GDPD4: variants seen among roughly 807,000 people sequenced by gnomAD.
GDPD4 encodes glycerophosphodiester phosphodiesterase 6.
Under a neutral mutation model 67.8 loss-of-function variants are expected in GDPD4, and 60 were observed. The ratio of observed to expected loss-of-function variants is 0.88; its 90% CI spans 0.72 to 1.10. The LOEUF (loss-of-function observed/expected upper bound fraction) is 1.10. Ranked by LOEUF, GDPD4 falls within the 50% of genes least tolerant of loss-of-function variation. GDPD4 has a pLI of 0.00. For synonymous variants in GDPD4, 212 were observed against 210.9 expected (o/e 1.00, Z -0.04); for missense variants, 623 against 613.9 (o/e 1.01, Z -0.16).
At position 77,221,636 on chromosome 11, in the gene GDPD4, A is replaced by G. The variant is rs565542439; in HGVS notation, c.1526-4322T>C. On this transcript the variant is annotated intron_variant, in intron 16 of 16. Coordinates refer to ENST00000315938, the MANE Select transcript of GDPD4 (RefSeq NM_182833.3). ...TTCTGTTCTTTTACATTTGCTGAGG[A>G]GTGCTTTACTTCCAACTATGTGGTC... 2.0e-5 allele frequency among the ~76,000 whole-genome samples: 3 copies of G among 152,264 alleles called. No individual in the cohort carries two copies. In the East Asian group the frequency reaches 5.8e-4, roughly 29 times the overall value.
intron 13 of GDPD4, among the ~76,000 whole-genome samples, chr11:77,236,447 T>G (rs969440717): frequency 1.3e-5 from 2 of 151,998 alleles, no homozygotes; most frequent in African/African-American, 4.8e-5. Context: ...AAGTCCGAGA[T>G]TATCCTACTA....
chr11:77,291,216 C>G (rs1937760919), intron 1 of GDPD4, among the ~76,000 whole-genome samples: 1 of 152,122 alleles, frequency 6.6e-6, no homozygotes, highest in African/African-American at 2.4e-5. Context: ...CTGTCATTTG[C>G]AGCAGTATGG....
rs185616064 is a variant in GDPD4 at position 77,251,500 on chromosome 11, G to A, written c.865-5998C>T. ...TTACTGAGTCAAATATTCTTGGCTG[G>A]CAATATTTCTTCTTTCAGTACTTTG... On this transcript the variant is annotated intron_variant, in intron 11 of 16. Transcript: ENST00000315938. 1.3e-3 allele frequency among the ~76,000 whole-genome samples: 191 copies of A among 152,208 alleles called. 2 individuals are homozygous for A. Among genetic ancestry groups the A allele is most frequent in the Middle Eastern group, 6.8e-3 (2 of 294 alleles).
rs67911054 is a variant in GDPD4 at position 77,262,854 on chromosome 11, C to CAAAAAAA, written c.708-4319_708-4313dup. On this transcript the variant is annotated intron_variant, in intron 10 of 16. Transcript: ENST00000315938. ...TCTATCACTAAATCTTTCTCTGCTG[C>CAAAAAAA]AAAAAAAAAAAAAAAAAAAAAAAGG... Among the ~76,000 whole-genome samples the CAAAAAAA allele has an allele frequency of 6.1e-4, 41 of 66,976 alleles. 3 individuals are homozygous for CAAAAAAA. Among genetic ancestry groups the CAAAAAAA allele is most frequent in the African/African-American group, 1.8e-3 (27 of 14,886 alleles). 43.9% of individuals were successfully genotyped at this position (66,976 alleles called of 152,430 possible).
At chr11:77,284,292 T>C (rs1289797982) in intron 3 of GDPD4, among the ~76,000 whole-genome samples, 1 of 152,050 alleles carries the variant, frequency 6.6e-6, no homozygotes, top group Non-Finnish European at 1.5e-5. Context: ...TTATTTTAAG[T>C]GAAAAGAGAA....
At chr11:77,235,019 T>TTTTTTTG (rs1565512504) in intron 13 of GDPD4, among the ~76,000 whole-genome samples, 5 of 129,968 alleles carry the variant, frequency 3.8e-5, no homozygotes, top group African/African-American at 1.4e-4. Flanking sequence ...GTTTTTTTTT[T>TTTTTTTG]TTTTTTTTTT....
intron 1 of GDPD4, among the ~76,000 whole-genome samples, chr11:77,289,042 C>T (rs1377032505): frequency 7.5e-6 from 1 of 133,714 alleles, no homozygotes; most frequent in Non-Finnish European, 1.6e-5. Context: ...GGGAGGGAAG[C>T]GGGAGAGAGA....
intron 13 of GDPD4, among the ~76,000 whole-genome samples, chr11:77,238,489 C>T (rs1187162200): frequency 2.7e-5 from 4 of 150,650 alleles, no homozygotes; most frequent in Non-Finnish European, 5.9e-5. Context: ...GAGGCTGAGG[C>T]AGGAGAATCA....
chr11:77,223,607 G>C (rs560955422), intron 16 of GDPD4, among the ~76,000 whole-genome samples: 3 of 152,066 alleles, frequency 2.0e-5, no homozygotes, highest in Admixed American at 6.6e-5. Context: ...CCTGTCAGTC[G>C]GCCTCTACTG....
chr11:77,230,246 A>C (rs905089037), intron 14 of GDPD4, among the ~76,000 whole-genome samples: 1 of 152,226 alleles, frequency 6.6e-6, no homozygotes, highest in Non-Finnish European at 1.5e-5. Context: ...CCAGATAAGC[A>C]GAATGTTCAC....
At chr11:77,239,045 C>A (rs2135837956) in intron 13 of GDPD4, among the ~76,000 whole-genome samples, 1 of 152,270 alleles carries the variant, frequency 6.6e-6, no homozygotes, top group South Asian at 2.1e-4. Context: ...TCATCATATG[C>A]AAATCAATAA....
At chr11:77,255,791 C>A (rs1276563659) in intron 11 of GDPD4, among the ~76,000 whole-genome samples, 3 of 151,550 alleles carry the variant, frequency 2.0e-5, no homozygotes, top group African/African-American at 7.3e-5. Flanking sequence ...AATTGGAACC[C>A]GGGAGGCAGA....
intron 13 of GDPD4, among the ~76,000 whole-genome samples, chr11:77,238,584 CAAAA>C (rs199508047): frequency 5.1e-5 from 6 of 117,982 alleles, no homozygotes; most frequent in Non-Finnish European, 8.9e-5. Context: ...AACTCCGTCT[CAAAA>C]AAAAAAAAAA....
chr11:77,257,239 A>G (rs1231511533), intron 11 of GDPD4, among the ~76,000 whole-genome samples: 1 of 152,180 alleles, frequency 6.6e-6, no homozygotes, highest in East Asian at 1.9e-4. Flanking sequence ...CAAAGTCTCA[A>G]ATGAGTATAG....
At position 77,227,846 on chromosome 11, in the gene GDPD4, C is replaced by T; in HGVS notation, c.1525+18G>A. 3 of 1,593,800 alleles carry T rather than the reference C, an allele frequency of 1.9e-6. No homozygotes were observed. Among genetic ancestry groups the T allele is most frequent in the Non-Finnish European group, 2.6e-6 (3 of 1,163,822 alleles). On this transcript the variant is annotated intron_variant, in intron 16 of 16. Coordinates refer to ENST00000315938, the MANE Select transcript of GDPD4 (RefSeq NM_182833.3). ...GTAGGGATGAAGAGACAGGAGTGGG[C>T]TAGGCCTCTGACTTTACCTGTGCGA...
At chr11:77,281,177 A>G (rs1398580712) in intron 3 of GDPD4, among the ~76,000 whole-genome samples, 1 of 152,166 alleles carries the variant, frequency 6.6e-6, no homozygotes, top group Non-Finnish European at 1.5e-5. Context: ...TGTAAAATCC[A>G]TATTTTCTGT....
intron 1 of GDPD4, among the ~76,000 whole-genome samples, chr11:77,298,494 C>CA (rs1159706190): frequency 6.6e-6 from 1 of 151,540 alleles, no homozygotes; most frequent in African/African-American, 2.4e-5. Flanking sequence ...CCTGGGGTCT[C>CA]AAAAAAAAAT....
intron 1 of GDPD4, among the ~76,000 whole-genome samples, chr11:77,295,347 G>C (rs1421012570): frequency 6.6e-5 from 10 of 151,670 alleles, no homozygotes; most frequent in Admixed American, 6.6e-4. Flanking sequence ...TAAATCTAAA[G>C]CTGGCCAGGT....
chr11:77,225,577 A>ATC (rs1958314630), intron 16 of GDPD4, among the ~76,000 whole-genome samples: 1 of 152,206 alleles, frequency 6.6e-6, no homozygotes, highest in African/African-American at 2.4e-5. Flanking sequence ...AAAAGGAATA[A>ATC]TCTTAAAATG....
Sources: allele counts gnomAD v4.1 joint callset (sites outside exome capture counted in the v4.1 genomes callset), GRCh38; gene constraint gnomAD v4.1.1; transcripts MANE v1.5; gene names NCBI Gene and HGNC (gene_info 2026-07-23, HGNC 2026-07-21).